ARHGEF3: variants seen among roughly 807,000 people sequenced by gnomAD.
The protein encoded by ARHGEF3 is Rho guanine nucleotide exchange factor 3.
Under a neutral mutation model 63.2 loss-of-function variants are expected in ARHGEF3, and 28 were observed. That is an observed-to-expected ratio of 0.44 (90% CI 0.33 to 0.61). The LOEUF (loss-of-function observed/expected upper bound fraction) is 0.61, where lower values mean the gene tolerates loss of function less well. ARHGEF3 is among the 20% of genes least tolerant of loss of function. ARHGEF3 has a pLI of 0.03. For synonymous variants in ARHGEF3, 266 were observed against 254.2 expected (o/e 1.05, Z -0.44); for missense variants, 533 against 659.3 (o/e 0.81, Z 2.10).
At chr3:56,903,616 G>A (rs1044622252) in intron 3 of ARHGEF3, among the ~76,000 whole-genome samples, 4 of 152,222 alleles carry the variant, frequency 2.6e-5, no homozygotes, top group Admixed American at 2.6e-4. Flanking sequence ...TATGCAAAGT[G>A]TACATCAGCT....
At chr3:57,039,981 A>T (rs1439914712) in intron 1 of ARHGEF3, among the ~76,000 whole-genome samples, 2 of 152,304 alleles carry the variant, frequency 1.3e-5, no homozygotes, top group Non-Finnish European at 2.9e-5. Flanking sequence ...GAGGGCCATT[A>T]TGTGACCTAC....
chr3:56,934,976 G>A (rs1277397168), intron 3 of ARHGEF3, among the ~76,000 whole-genome samples: 1 of 152,254 alleles, frequency 6.6e-6, no homozygotes. Flanking sequence ...CTCAGGGGTT[G>A]TAAACACACC....
intron 4 of ARHGEF3, among the ~76,000 whole-genome samples, chr3:56,823,469 G>C (rs2038595159): frequency 6.6e-6 from 1 of 152,060 alleles, no homozygotes; most frequent in Non-Finnish European, 1.5e-5. Flanking sequence ...CCAGCCTCCT[G>C]TTCTCACTTT....
intron 3 of ARHGEF3, among the ~76,000 whole-genome samples, chr3:56,908,006 CT>C (rs1435580039): frequency 3.3e-5 from 5 of 152,164 alleles, no homozygotes; most frequent in Admixed American, 6.5e-5. Context: ...ACATGTACCC[CT>C]GAACTTAAAA....
At chr3:56,904,188 C>G (rs1050136996) in intron 3 of ARHGEF3, among the ~76,000 whole-genome samples, 1 of 152,130 alleles carries the variant, frequency 6.6e-6, no homozygotes, top group East Asian at 1.9e-4. Context: ...TGCCACCATG[C>G]CCAGCTAACT....
intron 2 of ARHGEF3, among the ~76,000 whole-genome samples, chr3:56,763,373 G>C (rs1467976466): frequency 2.6e-5 from 4 of 152,134 alleles, no homozygotes; most frequent in African/African-American, 9.7e-5. Context: ...ACATCTTTCT[G>C]AACTACCTGG....
intron 1 of ARHGEF3, among the ~76,000 whole-genome samples, chr3:57,063,986 G>C (rs1428703892): frequency 6.6e-6 from 1 of 152,228 alleles, no homozygotes; most frequent in African/African-American, 2.4e-5. Flanking sequence ...GAAATTCCAT[G>C]CCAGCTGTGC....
rs889756914 is a variant in ARHGEF3 at position 56,755,074 on chromosome 3, C to T, written c.282G>A (p.Ser94=). The part of the protein sequence containing the change: ...PRPWSRNAAP[S]STKRRDSKLW... ...GCTTGCTATCTCTCCGTTTCGTGCT[C>T]GAGGGGGCGGCATTTCTGGACCAGG... Residue 94 remains serine (S), a synonymous_variant, in exon 3 of 10, where the codon TCG becomes TCA. Coordinates refer to ENST00000296315, the MANE Select transcript of ARHGEF3 (RefSeq NM_019555.3). 9 of 1,614,004 alleles carry T rather than the reference C, an allele frequency of 5.6e-6. No homozygotes were observed. The highest frequency in any genetic ancestry group is 3.3e-5 in the South Asian group (3 of 91,076).
rs528111340 is a variant in ARHGEF3, at chr3:56,853,700, A to G, written c.192+28592T>C. 2.0e-5 allele frequency among the ~76,000 whole-genome samples: 3 copies of G among 152,332 alleles called. No individual in the cohort carries two copies. The South Asian group carries it at 6.2e-4, about 32-fold the overall frequency. On this transcript the variant is annotated intron_variant, in intron 4 of 12. Transcript: ENST00000338458. ...AAAATTAATGAATGCTTTAAAATTT[A>G]TAACACCTCTTCCACAAGCCATGGA...
chr3:57,030,001 G>A (rs114999937), intron 2 of ARHGEF3, among the ~76,000 whole-genome samples: 2,482 of 152,284 alleles, frequency 0.016, 67 homozygotes, highest in African/African-American at 0.057. Flanking sequence ...GATGGGAGCT[G>A]ATAAGTGGAT....
intron 6 of ARHGEF3, among the ~76,000 whole-genome samples, chr3:56,747,256 G>A (rs989960759): frequency 2.6e-5 from 4 of 152,184 alleles, no homozygotes; most frequent in African/African-American, 4.8e-5. Flanking sequence ...GTAACCATTG[G>A]ATGTAAACTA....
intron 9 of ARHGEF3, among the ~76,000 whole-genome samples, chr3:56,730,412 C>CA (rs1257085077): frequency 7.5e-6 from 1 of 133,846 alleles, no homozygotes; most frequent in African/African-American, 2.8e-5. Context: ...TTTTTTGAGA[C>CA]AGAGTCTTGC....
At chr3:56,814,173 T>C (rs775534745) in intron 4 of ARHGEF3, among the ~76,000 whole-genome samples, 1 of 152,214 alleles carries the variant, frequency 6.6e-6, no homozygotes, top group Non-Finnish European at 1.5e-5. Context: ...TGGAAGAACA[T>C]AGAATACAAG....
intron 3 of ARHGEF3, among the ~76,000 whole-genome samples, chr3:56,893,229 G>C (rs2041182832): frequency 6.6e-6 from 1 of 152,102 alleles, no homozygotes; most frequent in South Asian, 2.1e-4. Context: ...CCAGGCTGAA[G>C]TGCAATGACA....
rs189143431 is a variant in ARHGEF3, at chr3:56,778,910, G to C, written c.97-5094C>G. Among the ~76,000 whole-genome samples the C allele has an allele frequency of 3.9e-5, 6 of 152,260 alleles. No homozygotes were observed. The East Asian group carries it at 9.6e-4, about 24-fold the overall frequency. On this transcript the variant is annotated intron_variant, in intron 1 of 9. Transcript: ENST00000296315. ...ATTATTCTTAGCTTGAGGCCCATAG[G>C]AAGTCAGCTGTATTCGGTCTTCAGG...
At chr3:56,975,955 G>T in intron 2 of ARHGEF3, 1 of 220,132 alleles carries the variant, frequency 4.5e-6, no homozygotes, top group Non-Finnish European at 9.3e-6. Flanking sequence ...TTTAATAGAA[G>T]GGTAATTTCA....
chr3:56,959,071 G>A (rs1327107009), intron 2 of ARHGEF3, among the ~76,000 whole-genome samples: 1 of 152,146 alleles, frequency 6.6e-6, no homozygotes, highest in East Asian at 1.9e-4. Context: ...CTCCTTCTCA[G>A]TTCCCCAGCA....
intron 1 of ARHGEF3, among the ~76,000 whole-genome samples, chr3:57,065,020 A>C (rs1398020203): frequency 6.6e-6 from 1 of 152,266 alleles, no homozygotes; most frequent in African/African-American, 2.4e-5. Context: ...GTTTTGCTCT[A>C]AACTGAAGAG....
At chr3:56,750,041 A>G (rs2034634020) in intron 6 of ARHGEF3, among the ~76,000 whole-genome samples, 1 of 152,228 alleles carries the variant, frequency 6.6e-6, no homozygotes. Flanking sequence ...CTCTCCAAAC[A>G]GTGAAATAAT....
Sources: allele counts gnomAD v4.1 joint callset (sites outside exome capture counted in the v4.1 genomes callset), GRCh38; gene constraint gnomAD v4.1.1; transcripts MANE v1.5; gene names NCBI Gene and HGNC (gene_info 2026-07-23, HGNC 2026-07-21).